CERS4: variants seen among roughly 807,000 people sequenced by gnomAD.
The protein encoded by CERS4 is LAG1 homolog, ceramide synthase 4.
A neutral mutation model predicts 51.8 loss-of-function variants in CERS4; 65 were observed. That is an observed-to-expected ratio of 1.26 (90% confidence interval 1.03 to 1.54). CERS4 has a LOEUF of 1.54. Ranked by LOEUF, CERS4 falls within the 40% of genes most tolerant of loss-of-function variation. The pLI is 0.00. For missense variants in CERS4, 563 were observed against 500.4 expected, an observed-to-expected ratio of 1.13 and a Z score of -1.19; for synonymous variants, 228 against 208.4, an observed-to-expected ratio of 1.09 and a Z score of -0.81.
At chr19:8,254,049 C>T (rs56041849) in intron 3 of CERS4, among the ~76,000 whole-genome samples, 32 of 152,100 alleles carry the variant, frequency 2.1e-4, no homozygotes, top group South Asian at 8.3e-4. Flanking sequence ...AGGCCGGGCG[C>T]GGTGGCTCAC....
chr19:8,251,298 A>G, intron 3 of CERS4, 49 bp downstream of exon 3: 2 of 1,524,318 alleles, frequency 1.3e-6, no homozygotes, highest in East Asian at 2.4e-5. Context: ...TCGCTCCAGT[A>G]TGTGCTCGTG....
chr19:8,211,890 CAAAAAAAAA>C (rs57231018), intron 2 of CERS4, among the ~76,000 whole-genome samples: 4 of 75,548 alleles, frequency 5.3e-5, no homozygotes, highest in Non-Finnish European at 1.0e-4. Flanking sequence ...AGACTATCTC[CAAAAAAAAA>C]AAAAAAAAAA....
chr19:8,243,597 G>A (rs1002528787), intron 2 of CERS4, among the ~76,000 whole-genome samples: 2 of 151,434 alleles, frequency 1.3e-5, no homozygotes, highest in African/African-American at 4.9e-5. Context: ...CTAAATGTCA[G>A]TTGCCCCATA....
intron 10 of CERS4, among the ~76,000 whole-genome samples, 174 bp downstream of exon 10, chr19:8,258,159 G>C (rs987682782): frequency 6.6e-6 from 1 of 152,134 alleles, no homozygotes; most frequent in African/African-American, 2.4e-5. Flanking sequence ...CAAAGGCGCA[G>C]AGGTGAGACA....
At chr19:8,251,708 G>T (rs1969089298) in intron 3 of CERS4, among the ~76,000 whole-genome samples, 1 of 151,912 alleles carries the variant, frequency 6.6e-6, no homozygotes, top group South Asian at 2.1e-4. Flanking sequence ...GGAGGCTGAG[G>T]CAGGAGAATC....
intron 3 of CERS4, among the ~76,000 whole-genome samples, chr19:8,251,800 TAAA>T (rs111723071): frequency 6.9e-6 from 1 of 144,074 alleles, no homozygotes; most frequent in Non-Finnish European, 1.5e-5. Context: ...CAAGACTCCA[TAAA>T]AAAAAAAAAA....
intron 8 of CERS4, 55 bp from the exon 9 acceptor site, chr19:8,256,894 G>A: frequency 1.2e-6 from 2 of 1,612,742 alleles, no homozygotes; most frequent in Non-Finnish European, 1.7e-6. Context: ...CCCATAGGGT[G>A]GGGGACCTTC....
intron 2 of CERS4, chr19:8,238,523 A>G: frequency 1.0e-6 from 1 of 985,362 alleles, no homozygotes; most frequent in Non-Finnish European, 1.2e-6. Context: ...CCAGAGCTTG[A>G]ATAGAACTGC....
intron 2 of CERS4, among the ~76,000 whole-genome samples, chr19:8,218,717 C>T (rs1967407230): frequency 6.6e-6 from 1 of 152,154 alleles, no homozygotes; most frequent in South Asian, 2.1e-4. Context: ...GGTCCTGGAC[C>T]GTCATCTGAG....
At chr19:8,242,693 C>G (rs184833293) in intron 2 of CERS4, among the ~76,000 whole-genome samples, 9 of 152,104 alleles carry the variant, frequency 5.9e-5, no homozygotes, top group Admixed American at 5.2e-4. Flanking sequence ...TTTTCCCCAC[C>G]ATTTTGTGTC....
chr19:8,230,134 C>G (rs1255458352), intron 2 of CERS4, among the ~76,000 whole-genome samples: 1 of 152,092 alleles, frequency 6.6e-6, no homozygotes, highest in Non-Finnish European at 1.5e-5. Flanking sequence ...CTGCCCCATT[C>G]TCTTTCCTTT....
chr19:8,262,081 T>C lies in CERS4; in HGVS notation c.1157T>C (p.Leu386Pro). Residue 386 changes from leucine (L) to proline (P), a missense_variant, in exon 12 of 12, where the codon CTG becomes CCG. Physicochemically the swap from Leu to Pro is moderately conservative, Grantham distance 98. Coordinates refer to ENST00000251363, the MANE Select transcript of CERS4 (RefSeq NM_024552.3). Reference sequence around the variant, plus strand: ...CCTCGGAGCCGGGTGGCCGGGCGTCTGACCAACAGGCACACAACAGCCACA... The same window carrying C: ...CCTCGGAGCCGGGTGGCCGGGCGTCCGACCAACAGGCACACAACAGCCACA... ...DGPRSRVAGRLTNRHTTAT is the reference protein window; with the variant it reads ...DGPRSRVAGRPTNRHTTAT The C allele has an allele frequency of 6.6e-7, 1 of 1,515,016 alleles. No homozygotes were observed. Among genetic ancestry groups the C allele is most frequent in the Non-Finnish European group, 8.8e-7 (1 of 1,136,346 alleles). 93.8% of individuals were successfully genotyped at this position (1,515,016 alleles called of 1,614,324 possible).
At chr19:8,223,190 G>A (rs114230027) in intron 2 of CERS4, among the ~76,000 whole-genome samples, 2,549 of 151,464 alleles carry the variant, frequency 0.017, 66 homozygotes, top group African/African-American at 0.059. Context: ...AAATTAGCTG[G>A]GCATGGCGGC....
chr19:8,259,859 T>C (rs1969587046), intron 10 of CERS4, among the ~76,000 whole-genome samples: 1 of 152,080 alleles, frequency 6.6e-6, no homozygotes, highest in Non-Finnish European at 1.5e-5. Flanking sequence ...ACAGAGAGTC[T>C]CAGTCCTCGG....
At chr19:8,236,495 T>G (rs1399278418) in intron 2 of CERS4, among the ~76,000 whole-genome samples, 2 of 147,988 alleles carry the variant, frequency 1.4e-5, no homozygotes, top group Non-Finnish European at 3.0e-5. Context: ...CTGGGCAACA[T>G]GGTGAAATCC....
chr19:8,248,444 G>C (rs983768564), intron 2 of CERS4, among the ~76,000 whole-genome samples: 1 of 152,178 alleles, frequency 6.6e-6, no homozygotes, highest in African/African-American at 2.4e-5. Context: ...AGTGATGGAT[G>C]ATGAGCGGAT....
At chr19:8,253,970 G>T (rs547669853) in intron 3 of CERS4, among the ~76,000 whole-genome samples, 2 of 152,060 alleles carry the variant, frequency 1.3e-5, no homozygotes, top group African/African-American at 4.8e-5. Context: ...ATCGAGTCCT[G>T]CCCCACGAGC....
intron 2 of CERS4, among the ~76,000 whole-genome samples, chr19:8,234,089 G>A (rs1968132349): frequency 6.6e-6 from 1 of 151,654 alleles, no homozygotes; most frequent in Non-Finnish European, 1.5e-5. Flanking sequence ...GGCGGATCAC[G>A]AGGTCAGGAG....
chr19:8,255,991 G>GA (rs143239604), intron 6 of CERS4, 112 bp downstream of exon 6: 2 of 1,233,434 alleles, frequency 1.6e-6, no homozygotes, highest in East Asian at 2.4e-5. Context: ...ATGCAGCTGA[G>GA]GAGAGAGCGA....
Sources: allele counts gnomAD v4.1 joint callset (sites outside exome capture counted in the v4.1 genomes callset), GRCh38; gene constraint gnomAD v4.1.1; transcripts MANE v1.5; gene names NCBI Gene and HGNC (gene_info 2026-07-23, HGNC 2026-07-21).